Variants in CP observed in about 807,000 individuals in gnomAD.
CP encodes the protein caeruloplasmin.
A neutral mutation model predicts 122.4 loss-of-function variants in CP; 64 were observed. The observed-to-expected ratio is 0.52, with a 90% CI of 0.43 to 0.64. The LOEUF (loss-of-function observed/expected upper bound fraction) is 0.64. Ranked by LOEUF, CP falls within the 30% of genes least tolerant of loss-of-function variation. The pLI is 0.00. For synonymous variants in CP, 440 were observed against 436.4 expected, an observed-to-expected ratio of 1.01 and a Z score of -0.10; for missense variants, 1,167 against 1,284.4, an observed-to-expected ratio of 0.91 and a Z score of 1.40.
chr3:149,207,911 A>G (rs558770249), intron 4 of CP, among the ~76,000 whole-genome samples: 1 of 152,290 alleles, frequency 6.6e-6, no homozygotes, highest in Admixed American at 6.5e-5. Context: ...GTGTGTGTGT[A>G]AATACAGAGG....
intron 5 of CP, among the ~76,000 whole-genome samples, chr3:149,164,455 T>C (rs1724210899): frequency 6.6e-6 from 1 of 152,196 alleles, no homozygotes; most frequent in African/African-American, 2.4e-5. Context: ...CCTTTAATAA[T>C]TCTGACTGCA....
intron 14 of CP, among the ~76,000 whole-genome samples, chr3:149,180,413 G>C (rs1317033850): frequency 2.0e-5 from 3 of 152,152 alleles, no homozygotes; most frequent in African/African-American, 7.2e-5. Flanking sequence ...TCTCCAGTCT[G>C]ATCTGCGTTT....
rs1726095134 is a variant in CP at position 149,185,385 on chromosome 3, A to G, written c.2139T>C (p.Tyr713=). The G allele has an allele frequency of 3.1e-6, 5 of 1,614,130 alleles. No homozygotes were observed. The highest frequency in any genetic ancestry group is 3.4e-6 in the Non-Finnish European group (4 of 1,180,016). Residue 713 remains tyrosine, a synonymous_variant, in exon 12 of 19, where the codon TAT becomes TAC. Coordinates refer to ENST00000264613, the MANE Select transcript of CP (RefSeq NM_000096.4). ...DHYTGGMKQK[Y]TVNQCRRQSE... Reference sequence around the variant, plus strand: ...ACTGCCGCCTGCATTGGTTCACAGTATATTTTTGCTTCATGCCGCCTGTGT... The same window carrying G: ...ACTGCCGCCTGCATTGGTTCACAGTGTATTTTTGCTTCATGCCGCCTGTGT...
chr3:149,220,782 C>T (rs1728758501), intron 1 of CP, among the ~76,000 whole-genome samples: 1 of 152,002 alleles, frequency 6.6e-6, no homozygotes, highest in South Asian at 2.1e-4. Flanking sequence ...TGTTTTATTA[C>T]CACTGAAATA....
intron 14 of CP, chr3:149,180,076 GTGTGTATC>G (rs1725679422): frequency 4.0e-6 from 1 of 249,892 alleles, no homozygotes; most frequent in African/African-American, 2.3e-5. Flanking sequence ...ATCTCTGCAT[GTGTGTATC>G]TGGACTATTT....
intron 1 of CP, 53 bp from the exon 2 acceptor site, chr3:149,212,751 C>T: frequency 6.3e-7 from 1 of 1,575,420 alleles, no homozygotes; most frequent in Non-Finnish European, 8.7e-7. Context: ...CTAGGGATGA[C>T]ATTATCATTA....
At chr3:149,175,949 T>C in intron 18 of CP, 1 of 310,338 alleles carries the variant, frequency 3.2e-6, no homozygotes, top group Non-Finnish European at 6.0e-6. Flanking sequence ...AAATAATGGT[T>C]TGTTTCTTGG....
At chr3:149,179,992 T>G in intron 14 of CP, 1 of 300,256 alleles carries the variant, frequency 3.3e-6, no homozygotes, top group South Asian at 3.5e-5. Context: ...TAGCTTGAAG[T>G]GTGTTTTCCT....
At chr3:149,180,024 A>G (rs1208506081) in intron 14 of CP, 2 of 274,640 alleles carry the variant, frequency 7.3e-6, no homozygotes, top group Non-Finnish European at 1.4e-5. Context: ...TTCTCTTCAG[A>G]TACCAAGTGA....
chr3:149,163,791 G>A, intron 5 of CP: 1 of 992,414 alleles, frequency 1.0e-6, no homozygotes, highest in Non-Finnish European at 1.6e-6. Flanking sequence ...GAATGGATAA[G>A]CAAGCTTTTG....
chr3:149,189,427 T>G (rs914736627), intron 9 of CP, among the ~76,000 whole-genome samples: 1 of 149,994 alleles, frequency 6.7e-6, no homozygotes, highest in Non-Finnish European at 1.5e-5. Flanking sequence ...GATGGCGGGC[T>G]CCTGTAGTCC....
intron 8 of CP, among the ~76,000 whole-genome samples, chr3:149,199,055 G>A (rs1188684251): frequency 6.6e-6 from 1 of 152,130 alleles, no homozygotes; most frequent in African/African-American, 2.4e-5. Context: ...ATTTACATTT[G>A]AATAACCTGT....
At chr3:149,177,412 G>T (rs1725488750) in intron 17 of CP, among the ~76,000 whole-genome samples, 1 of 152,104 alleles carries the variant, frequency 6.6e-6, no homozygotes, top group African/African-American at 2.4e-5. Context: ...CCTTATATAG[G>T]CATCCCTCAG....
chr3:149,183,468 A>G lies in CP; in HGVS notation c.2423T>C (p.Leu808Pro). ...RKAEEEHLGILGPQLHADVGD... is the reference protein window; with the variant it reads ...RKAEEEHLGIPGPQLHADVGD... ...ATAAACTGGAGATATTAACATACCT[A>G]GAATTCCCAGATGTTCTTCTTCAGC... Residue 808 changes from leucine (L) to proline (P), a missense_variant and splice_region_variant, in exon 13 of 19, where the codon CTA becomes CCA. Physicochemically the swap from Leu to Pro is moderately conservative, Grantham distance 98. Around this residue, in one of 2 missense-constraint regions of CP, gnomAD observed 525 missense variants for 657.2 expected, o/e 0.80. Transcript: ENST00000264613. The G allele has an allele frequency of 6.2e-7, 1 of 1,611,418 alleles. No homozygotes were observed. Among genetic ancestry groups the G allele is most frequent in the South Asian group, 1.1e-5 (1 of 90,968 alleles).
At chr3:149,165,453 A>G (rs1724319400) in intron 5 of CP, among the ~76,000 whole-genome samples, 1 of 151,576 alleles carries the variant, frequency 6.6e-6, no homozygotes, top group Non-Finnish European at 1.5e-5. Context: ...TTGCTGTTGA[A>G]GGAGAAACAT....
intron 17 of CP, 107 bp from the exon 18 acceptor site, chr3:149,176,519 T>C: frequency 1.1e-6 from 1 of 944,742 alleles, no homozygotes; most frequent in East Asian, 2.6e-5. Flanking sequence ...ATAAATCTGT[T>C]TTTAAAAAAT....
At chr3:149,201,894 C>T (rs990111991) in intron 7 of CP, among the ~76,000 whole-genome samples, 2 of 152,154 alleles carry the variant, frequency 1.3e-5, no homozygotes, top group African/African-American at 4.8e-5. Context: ...CACTCCCGGC[C>T]GTCAGCAGGG....
At chr3:149,167,376 A>G (rs567562065) in intron 4 of CP, 3 of 711,908 alleles carry the variant, frequency 4.2e-6, no homozygotes, top group East Asian at 5.4e-5. Flanking sequence ...TTGAGCATAT[A>G]TGTTTAATAT....
intron 4 of CP, among the ~76,000 whole-genome samples, chr3:149,208,462 C>G (rs1727896045): frequency 6.6e-6 from 1 of 152,056 alleles, no homozygotes; most frequent in African/African-American, 2.4e-5. Flanking sequence ...AAGTTGGAAA[C>G]AAAATCTGTA....
Sources: allele counts gnomAD v4.1 joint callset (sites outside exome capture counted in the v4.1 genomes callset), GRCh38; gene constraint gnomAD v4.1.1; regional missense constraint gnomAD v4.1.1; transcripts MANE v1.5; gene names NCBI Gene and HGNC (gene_info 2026-07-23, HGNC 2026-07-21).